Variants in PKD1L3 observed in about 807,000 individuals in gnomAD.
The protein encoded by PKD1L3 is polycystin 1 like 3, transient receptor potential channel interacting.
PKD1L3 carries 239 observed loss-of-function variants against 184.1 expected under a neutral mutation model. The ratio of observed to expected loss-of-function variants is 1.30; its 90% CI spans 1.17 to 1.45. PKD1L3 has a LOEUF of 1.45. Among genes scored for constraint, PKD1L3 ranks in the 40% most tolerant of loss-of-function variants. PKD1L3 has a pLI of 0.00. For synonymous variants in PKD1L3, 996 were observed against 778.8 expected, an observed-to-expected ratio of 1.28 and a Z score of -4.64; for missense variants, 2,660 against 2,067.2, an observed-to-expected ratio of 1.29 and a Z score of -5.56.
intron 15 of PKD1L3, among the ~76,000 whole-genome samples, chr16:71,964,155 G>A (rs189614852): frequency 5.9e-4 from 90 of 151,878 alleles, no homozygotes; most frequent in Admixed American, 5.7e-3. Flanking sequence ...AACTTCAGCC[G>A]TTCACACCCC....
chr16:71,992,852 A>G (rs1257559106), intron 3 of PKD1L3, among the ~76,000 whole-genome samples: 2 of 152,216 alleles, frequency 1.3e-5, no homozygotes, highest in Non-Finnish European at 2.9e-5. Flanking sequence ...CCGTCATTTC[A>G]GGCTAATGCA....
chr16:71,963,553 A>G (rs1014475860), intron 15 of PKD1L3, among the ~76,000 whole-genome samples: 1 of 152,204 alleles, frequency 6.6e-6, no homozygotes, highest in African/African-American at 2.4e-5. Flanking sequence ...AGGCTGAGGC[A>G]GGTGGATTGC....
chr16:71,986,336 G>C lies in PKD1L3; in HGVS notation c.719C>G (p.Ser240Cys), dbSNP rs559033487. 1.8e-5 allele frequency: 28 copies of C among 1,552,122 alleles called. No homozygotes were observed. In the African/African-American group the frequency reaches 3.7e-4, roughly 20 times the overall value. ...PVITQLTMPVSVTHAGQSLAE... is the reference protein window; with the variant it reads ...PVITQLTMPVCVTHAGQSLAE... ...CAGAGATTGCCCAGCATGCGTGACA[G>C]ACACGGGCATGGTGAGCTGTGTTAT... Residue 240 changes from serine (S) to cysteine (C), a missense_variant, in exon 5 of 30, where the codon TCT becomes TGT. Transcript: ENST00000620267.
At chr16:71,964,534 T>C (rs2039422082) in intron 15 of PKD1L3, among the ~76,000 whole-genome samples, 1 of 151,610 alleles carries the variant, frequency 6.6e-6, no homozygotes, top group Non-Finnish European at 1.5e-5. Context: ...AGATGGGGTT[T>C]CACTGTGTTA....
At chr16:71,986,540 C>T in intron 4 of PKD1L3, 71 bp from the exon 5 acceptor site, 1 of 1,448,382 alleles carries the variant, frequency 6.9e-7, no homozygotes, top group Non-Finnish European at 9.3e-7. Flanking sequence ...GGCAGCATTT[C>T]CCCAAATACT....
intron 13 of PKD1L3, 113 bp downstream of exon 13, chr16:71,969,762 T>C: frequency 1.1e-6 from 1 of 906,696 alleles, no homozygotes; most frequent in Non-Finnish European, 1.6e-6. Flanking sequence ...CTTGAATTTC[T>C]ATGCCTCCCA....
intron 6 of PKD1L3, among the ~76,000 whole-genome samples, chr16:71,983,663 C>CTTTTTTTTTTTTTTTTTTTT (rs1180950058): frequency 2.0e-5 from 2 of 100,334 alleles, no homozygotes; most frequent in African/African-American, 7.8e-5. Flanking sequence ...GATTCTCTTT[C>CTTTTTTTTTTTTTTTTTTTT]TTTTTTTTTT....
intron 26 of PKD1L3, among the ~76,000 whole-genome samples, 185 bp from the exon 27 acceptor site, chr16:71,934,310 A>G (rs2038098746): frequency 6.6e-6 from 1 of 152,180 alleles, no homozygotes; most frequent in Admixed American, 6.5e-5. Context: ...AGAAGGCCAC[A>G]TACTATTCAA....
chr16:71,955,050 G>A (rs559876687), intron 16 of PKD1L3, among the ~76,000 whole-genome samples: 192 of 151,828 alleles, frequency 1.3e-3, no homozygotes, highest in African/African-American at 4.6e-3. Context: ...GAGAAAAAAA[G>A]GACAGCTTCA....
chr16:71,962,327 T>C (rs1439743902), intron 16 of PKD1L3, among the ~76,000 whole-genome samples: 1 of 152,166 alleles, frequency 6.6e-6, no homozygotes, highest in African/African-American at 2.4e-5. Flanking sequence ...GGAGGTCAGA[T>C]AGCAGAGGTA....
intron 3 of PKD1L3, 69 bp downstream of exon 3, chr16:71,993,147 T>C: frequency 9.1e-7 from 1 of 1,094,824 alleles, no homozygotes; most frequent in African/African-American, 1.6e-5. Flanking sequence ...ATTAATTCAG[T>C]CTTGTGCATT....
intron 16 of PKD1L3, among the ~76,000 whole-genome samples, chr16:71,958,363 G>A (rs1174637001): frequency 6.9e-6 from 1 of 145,164 alleles, no homozygotes; most frequent in Admixed American, 6.9e-5. Flanking sequence ...CTCCAGCCTG[G>A]GCGACAGAGC....
At chr16:71,965,019 G>C (rs1385619079) in intron 15 of PKD1L3, among the ~76,000 whole-genome samples, 1 of 151,596 alleles carries the variant, frequency 6.6e-6, no homozygotes, top group Non-Finnish European at 1.5e-5. Flanking sequence ...GCTAATTTTT[G>C]TATTTTTTTG....
rs1325008847 is a variant in PKD1L3 at position 71,930,120 on chromosome 16, G to T, written c.4990C>A (p.Leu1664Ile). The T allele has an allele frequency of 6.4e-7, 1 of 1,551,640 alleles. No individual in the cohort carries two copies. The highest frequency in any genetic ancestry group is 2.4e-5 in the East Asian group (1 of 40,910). The change falls in exon 29 of 30, where the codon CTT (leucine) becomes ATT (isoleucine). Residue 1664 changes from leucine (L) to isoleucine (I), a missense_variant. Transcript: ENST00000620267. ...LILTSVILMV[L>I]VVINLFVSAI... is the part of the protein sequence containing the mutation. ...GAAACGAAAAGATTAATTACCACAA[G>T]TACCATCAAGATGACACTGGTGAGG...
chr16:71,938,910 G>C (rs1048063231), intron 24 of PKD1L3, among the ~76,000 whole-genome samples: 2 of 152,208 alleles, frequency 1.3e-5, no homozygotes, highest in African/African-American at 4.8e-5. Context: ...TGAGTGGTGG[G>C]ACTGAAAGAG....
Position 71,969,902 on chromosome 16 carries a change from C to G in PKD1L3, c.2157G>C (p.Arg719=). ...TCTGCATATCTGCTTGATCCTTTTT[C>G]CGAGCCCACACAACTGTGATCACAT... ...GFYVITVVWA[R]KKDQADMQKV... Residue 719 remains arginine (R), a synonymous_variant, in exon 13 of 30, where the codon CGG becomes CGC. Coordinates refer to ENST00000620267, the MANE Select transcript of PKD1L3 (RefSeq NM_181536.2). 6.5e-7 allele frequency: 1 copy of G among 1,549,968 alleles called. No homozygotes were observed. Among genetic ancestry groups the G allele is most frequent in the Non-Finnish European group, 8.7e-7 (1 of 1,145,578 alleles).
At position 71,986,459 on chromosome 16, in the gene PKD1L3, A is replaced by C; in HGVS notation, c.596T>G (p.Leu199Arg). ...AGGAAACTGGCTGATGGGATGACAC[A>C]GGGTCTTGGACTAAAAGATAAAAAT... ...YPLPAHLSKT[L>R]CHPISQFPSV... Residue 199 changes from leucine (L) to arginine (R), a missense_variant, in exon 5 of 30, where the codon CTG becomes CGG. Transcript: ENST00000620267. 1 of 1,551,654 alleles carries C rather than the reference A, an allele frequency of 6.4e-7. No individual in the cohort carries two copies. Among genetic ancestry groups the C allele is most frequent in the Non-Finnish European group, 8.7e-7 (1 of 1,146,678 alleles).
At position 71,998,332 on chromosome 16, in the gene PKD1L3, T is replaced by A. The variant is rs16973585; in HGVS notation, c.358A>T (p.Ile120Phe). Residue 120 changes from isoleucine to phenylalanine, a missense_variant, in exon 2 of 30, where the codon ATT becomes TTT. Coordinates refer to ENST00000620267, the MANE Select transcript of PKD1L3 (RefSeq NM_181536.2). ...TTGTCCCCTTTGGATGAGATCCGAA[T>A]GAAGTTTCTGGACAGGTAGGTGCAG... ...LSCTYLSRNF[I>F]RISSKGDKCL... is the part of the protein sequence containing the mutation. 0.33 allele frequency: 513,371 copies of A among 1,551,560 alleles called. 90,326 individuals carry two copies. Among genetic ancestry groups the A allele is most frequent in the East Asian group, 0.68 (27,958 of 40,894 alleles).
intron 22 of PKD1L3, among the ~76,000 whole-genome samples, chr16:71,946,916 G>C (rs1375169553): frequency 8.1e-5 from 12 of 147,768 alleles, no homozygotes; most frequent in Non-Finnish European, 1.7e-4. Flanking sequence ...GGGAGAGAGA[G>C]AGAGAGAAAG....
Sources: allele counts gnomAD v4.1 joint callset (sites outside exome capture counted in the v4.1 genomes callset), GRCh38; gene constraint gnomAD v4.1.1; transcripts MANE v1.5; gene names NCBI Gene and HGNC (gene_info 2026-07-23, HGNC 2026-07-21).